Variants in MAF observed in about 807,000 individuals in gnomAD.
MAF encodes transcription factor Maf.
In MAF, 10 loss-of-function variants were observed where a neutral mutation model predicts 22.0. That is an observed-to-expected ratio of 0.45 (90% CI 0.28 to 0.77). The LOEUF (loss-of-function observed/expected upper bound fraction) is 0.77, where lower values mean the gene tolerates loss of function less well. Ranked by LOEUF, MAF falls within the 30% of genes least tolerant of loss-of-function variation. MAF has a pLI of 0.12. For synonymous variants in MAF, 337 were observed against 255.8 expected, an observed-to-expected ratio of 1.32 and a Z score of -3.03; for missense variants, 544 against 548.4, an observed-to-expected ratio of 0.99 and a Z score of 0.08.
chr16:79,578,277 C>T, the MAF span, among the ~76,000 whole-genome samples: 1 of 151,852 alleles, frequency 6.6e-6, no homozygotes, highest in Non-Finnish European at 1.5e-5. Context: ...TATTGGTATG[C>T]TTTGGGGTGA....
the MAF span, among the ~76,000 whole-genome samples, chr16:79,450,291 T>C: frequency 1.3e-5 from 2 of 152,224 alleles, no homozygotes; most frequent in Non-Finnish European, 2.9e-5. Context: ...TAGACAGAAA[T>C]TGTCTTTTAT....
chr16:79,299,070 A>G, the MAF span, among the ~76,000 whole-genome samples: 2 of 152,234 alleles, frequency 1.3e-5, no homozygotes, highest in African/African-American at 4.8e-5. Flanking sequence ...ACAAGCCCCA[A>G]CTGCTAACTT....
the MAF span, among the ~76,000 whole-genome samples, chr16:79,298,307 G>A: frequency 6.6e-6 from 1 of 152,358 alleles, no homozygotes; most frequent in African/African-American, 2.4e-5. Context: ...TACAAACCAG[G>A]TGTGTTTGCT....
In MAF at chr16:79,598,835, G is replaced by T; in HGVS notation, c.1068C>A (p.Phe356Leu). The T allele has an allele frequency of 6.2e-7, 1 of 1,613,842 alleles. No individual in the cohort carries two copies. Among genetic ancestry groups the T allele is most frequent in the Non-Finnish European group, 8.5e-7 (1 of 1,179,992 alleles). The change falls in exon 1 of 2, where the codon TTC (phenylalanine) becomes TTA (leucine). Residue 356 changes from phenylalanine to leucine, a missense_variant. Phe to Leu is a conservative substitution (Grantham distance 22). Coordinates refer to ENST00000326043, the MANE Select transcript of MAF (RefSeq NM_005360.5). ...EKYEKLVSSG[F>L]RENGSSSDNP... ...TGTCGCTGCTCGAGCCGTTTTCTCG[G>T]AAGCCGCTGCTCACCAACTTCTCGT...
chr16:79,445,224 T>A, the MAF span, among the ~76,000 whole-genome samples: 1 of 134,798 alleles, frequency 7.4e-6, no homozygotes, highest in Admixed American at 7.6e-5. Context: ...TTTTTTTTTT[T>A]AGTAGAGATG....
In MAF at chr16:79,594,490, A is replaced by C; in HGVS notation, c.1182T>G (p.His394Gln). 1.3e-6 allele frequency: 2 copies of C among 1,565,860 alleles called. No homozygotes were observed. The highest frequency in any genetic ancestry group is 1.7e-6 in the Non-Finnish European group (2 of 1,152,526). The part of the protein sequence containing the change: ...VGYATFWKPQ[H>Q]RVLTSVFTK ...TTGTGAACACACTGGTAAGTACACG[A>C]TGCTGGGGCTTCCAAAATGTGGCGT... The change falls in exon 2 of 2, where the codon CAT (histidine) becomes CAG (glutamine). Residue 394 changes from histidine to glutamine, a missense_variant. By Grantham distance (24) the His-to-Gln change is conservative. Coordinates refer to ENST00000326043, the MANE Select transcript of MAF (RefSeq NM_005360.5).
the MAF span, among the ~76,000 whole-genome samples, chr16:79,580,511 C>A: frequency 6.6e-6 from 1 of 152,154 alleles, no homozygotes; most frequent in South Asian, 2.1e-4. Flanking sequence ...AGAAAAACAT[C>A]GAAGATGCAG....
chr16:79,599,945 G>C lies in MAF; in HGVS notation c.-43C>G, dbSNP rs1567568712. 2 of 1,597,730 alleles carry C rather than the reference G, an allele frequency of 1.3e-6. No homozygotes were observed. Among genetic ancestry groups the C allele is most frequent in the African/African-American group, 1.3e-5 (1 of 74,896 alleles). ...CGCCGCCGCCGCCGCTCCGCCAGAT[G>C]GGCTGCAGGAGAGGGGCCAGCGGGC... On this transcript the variant is annotated 5_prime_UTR_variant, in exon 1 of 2. Transcript: ENST00000326043.
chr16:79,559,624 A>C, the MAF span, among the ~76,000 whole-genome samples: 1 of 151,066 alleles, frequency 6.6e-6, no homozygotes, highest in African/African-American at 2.4e-5. Flanking sequence ...AGAGTAAATT[A>C]CTAGATGTTC....
chr16:79,312,991 C>T, the MAF span, among the ~76,000 whole-genome samples: 1 of 152,146 alleles, frequency 6.6e-6, no homozygotes, highest in Admixed American at 6.5e-5. Context: ...AGAGAAGTTG[C>T]ATGCAATTAA....
At chr16:79,537,659 G>C in the MAF span, among the ~76,000 whole-genome samples, 3 of 152,162 alleles carry the variant, frequency 2.0e-5, no homozygotes, top group Non-Finnish European at 4.4e-5. Context: ...ATGAACTTCA[G>C]AACAGATGGC....
At chr16:79,316,379 A>G in the MAF span, among the ~76,000 whole-genome samples, 5 of 152,074 alleles carry the variant, frequency 3.3e-5, no homozygotes, top group East Asian at 5.8e-4. Flanking sequence ...CTGCCCACAC[A>G]CTGTGGTCTG....
the MAF span, among the ~76,000 whole-genome samples, chr16:79,477,614 T>C: frequency 6.6e-6 from 1 of 152,212 alleles, no homozygotes; most frequent in Non-Finnish European, 1.5e-5. Context: ...TTTGTTTCCT[T>C]AATCAACCCT....
At chr16:79,214,683 GT>G in the MAF span, among the ~76,000 whole-genome samples, 1 of 144,066 alleles carries the variant, frequency 6.9e-6, no homozygotes, top group African/African-American at 2.6e-5. Flanking sequence ...GGGATTACAG[GT>G]GTGAGCCACT....
the MAF span, among the ~76,000 whole-genome samples, chr16:79,420,977 T>C: frequency 2.0e-5 from 3 of 151,156 alleles, no homozygotes; most frequent in Admixed American, 2.0e-4. Flanking sequence ...GAGGTTGCAG[T>C]GAGCTGAGAT....
At chr16:79,581,608 A>T (rs1223381485), downstream of MAF, among the ~76,000 whole-genome samples, 1 of 152,214 alleles carries the variant, frequency 6.6e-6, no homozygotes, top group African/African-American at 2.4e-5. Context: ...CCTGCTAGCA[A>T]ATGAACTTAC....
the MAF span, among the ~76,000 whole-genome samples, chr16:79,577,919 G>A: frequency 6.6e-6 from 1 of 152,076 alleles, no homozygotes; most frequent in Non-Finnish European, 1.5e-5. Context: ...GACCTTTGCA[G>A]AAACTGAGCT....
At chr16:79,354,387 GA>G in the MAF span, among the ~76,000 whole-genome samples, 521 of 152,254 alleles carry the variant, frequency 3.4e-3, 1 homozygote, top group Non-Finnish European at 4.9e-3. Flanking sequence ...CTAGTTCCTG[GA>G]ATGTGTCTGC....
chr16:79,298,624 C>T, the MAF span, among the ~76,000 whole-genome samples: 1 of 152,186 alleles, frequency 6.6e-6, no homozygotes, highest in African/African-American at 2.4e-5. Flanking sequence ...CAGAAGCCAG[C>T]ATGCAAAGAC....
Sources: allele counts gnomAD v4.1 joint callset (sites outside exome capture counted in the v4.1 genomes callset), GRCh38; gene constraint gnomAD v4.1.1; transcripts MANE v1.5; gene names NCBI Gene and HGNC (gene_info 2026-07-23, HGNC 2026-07-21).